Variants in UXS1 observed in about 807,000 individuals in gnomAD.
UXS1 encodes UDP-glucuronic acid decarboxylase 1.
UXS1 carries 33 observed loss-of-function variants against 62.6 expected under a neutral mutation model. The ratio of observed to expected loss-of-function variants is 0.53; its 90% confidence interval spans 0.40 to 0.70. The LOEUF (loss-of-function observed/expected upper bound fraction) is 0.70, where lower values mean the gene tolerates loss of function less well. Among genes scored for constraint, UXS1 ranks in the 30% least tolerant of loss-of-function variants. The pLI is 0.00. For missense variants in UXS1, 434 were observed against 556.3 expected (o/e 0.78, Z 2.21); for synonymous variants, 213 against 206.8 (o/e 1.03, Z -0.26).
chr2:106,164,167 A>ATC (rs1485814626), intron 3 of UXS1, among the ~76,000 whole-genome samples: 1 of 152,234 alleles, frequency 6.6e-6, no homozygotes, highest in East Asian at 1.9e-4. Flanking sequence ...CTGTGGACTC[A>ATC]GGCAGAAAGA....
chr2:106,121,939 G>A lies in UXS1; in HGVS notation c.759+1031C>T, dbSNP rs1054031261. 1.4e-4 allele frequency among the ~76,000 whole-genome samples: 21 copies of A among 152,276 alleles called. 1 individual carries two copies. The South Asian group carries it at 2.7e-3, about 20-fold the overall frequency. On this transcript the variant is annotated intron_variant, in intron 9 of 14. Transcript: ENST00000283148. ...GATTAAACTCTCATCCCAAGGTCAG[G>A]AACAGGAGACCTGGCCCTTGGCACA...
At chr2:106,129,570 A>C (rs1321769525) in intron 7 of UXS1, 104 bp downstream of exon 7, 2 of 969,894 alleles carry the variant, frequency 2.1e-6, no homozygotes, top group African/African-American at 3.2e-5. Context: ...GGGACGAGGG[A>C]ACACACTCAG....
intron 10 of UXS1, among the ~76,000 whole-genome samples, chr2:106,109,249 T>A (rs1678375756): frequency 6.6e-6 from 1 of 152,172 alleles, no homozygotes; most frequent in East Asian, 1.9e-4. Flanking sequence ...TTCCTCACCA[T>A]ACTTTAGTAC....
chr2:106,099,765 ACAGG>A (rs1292510933), intron 12 of UXS1, among the ~76,000 whole-genome samples: 1 of 152,316 alleles, frequency 6.6e-6, no homozygotes, highest in East Asian at 1.9e-4. Flanking sequence ...TCCAGTGTAC[ACAGG>A]CAAATGCTGC....
chr2:106,111,177 G>A (rs1055845298), intron 10 of UXS1, among the ~76,000 whole-genome samples: 2 of 152,194 alleles, frequency 1.3e-5, no homozygotes, highest in African/African-American at 2.4e-5. Flanking sequence ...GGGGTGGGGC[G>A]GCAGCAGTGT....
intron 1 of UXS1, among the ~76,000 whole-genome samples, chr2:106,180,047 TGCAGTGA>T (rs1426342537): frequency 4.0e-5 from 6 of 151,418 alleles, no homozygotes; most frequent in African/African-American, 1.5e-4. Flanking sequence ...AGGCAGAGAT[TGCAGTGA>T]GCCGAGATCA....
rs1420886008 is a variant in UXS1 at position 106,112,700 on chromosome 2, A to T, written c.825T>A (p.Asp275Glu). 6.2e-7 allele frequency: 1 copy of T among 1,613,844 alleles called. No individual in the cohort carries two copies. The highest frequency in any genetic ancestry group is 8.5e-7 in the Non-Finnish European group (1 of 1,179,886). Residue 275 changes from aspartate to glutamate, a missense_variant, in exon 10 of 15, where the codon GAT becomes GAA. Physicochemically the swap from Asp to Glu is conservative, Grantham distance 45. Transcript: ENST00000283148. The stretch of plus-strand genomic sequence containing the variant: ...GGATGAAGTTGCTGACTACTCGCCC[A>T]TCGTTCATGTGCATGCGTGGCCCAA... The part of the protein sequence containing the change: ...NTFGPRMHMN[D>E]GRVVSNFILQ...
chr2:106,172,069 G>A (rs903065750), intron 1 of UXS1, among the ~76,000 whole-genome samples: 1 of 152,208 alleles, frequency 6.6e-6, no homozygotes, highest in Non-Finnish European at 1.5e-5. Context: ...AACAAACTCA[G>A]CGCTTGCGGA....
chr2:106,186,457 T>TATACACACACAC (rs375660148), intron 1 of UXS1, among the ~76,000 whole-genome samples: 170 of 148,796 alleles, frequency 1.1e-3, no homozygotes, highest in African/African-American at 1.8e-3. Flanking sequence ...TATATATATA[T>TATACACACACAC]ACACACACAC....
intron 10 of UXS1, among the ~76,000 whole-genome samples, chr2:106,108,263 C>T (rs974359437): frequency 4.6e-5 from 7 of 152,150 alleles, no homozygotes; most frequent in African/African-American, 9.7e-5. Flanking sequence ...TCACTGTGTG[C>T]GCTAATGTGA....
intron 6 of UXS1, among the ~76,000 whole-genome samples, chr2:106,140,918 A>G (rs1251784069): frequency 1.3e-5 from 2 of 152,170 alleles, no homozygotes; most frequent in African/African-American, 2.4e-5. Context: ...AGACGGTGGA[A>G]AAGTAAATTG....
intron 5 of UXS1, chr2:106,145,578 G>T: frequency 2.2e-6 from 1 of 461,352 alleles, no homozygotes; most frequent in Non-Finnish European, 3.6e-6. Flanking sequence ...CTCCTAAGCA[G>T]CCTAAAATTT....
intron 10 of UXS1, among the ~76,000 whole-genome samples, chr2:106,110,802 T>C (rs1474043421): frequency 1.3e-5 from 2 of 152,028 alleles, no homozygotes; most frequent in Non-Finnish European, 2.9e-5. Context: ...CTAACAGAGA[T>C]TGGGGCTGAA....
chr2:106,146,991 A>G (rs1681631343), intron 5 of UXS1, among the ~76,000 whole-genome samples: 1 of 152,056 alleles, frequency 6.6e-6, no homozygotes, highest in African/African-American at 2.4e-5. Flanking sequence ...CGTCTCTACT[A>G]AAAATACAAA....
intron 7 of UXS1, among the ~76,000 whole-genome samples, chr2:106,126,998 C>T (rs534012443): frequency 1.1e-4 from 16 of 152,272 alleles, no homozygotes; most frequent in African/African-American, 1.9e-4. Flanking sequence ...AAATGGAACA[C>T]GGCCTCTTAG....
intron 10 of UXS1, among the ~76,000 whole-genome samples, chr2:106,108,736 G>C (rs1372781671): frequency 2.0e-5 from 3 of 152,280 alleles, no homozygotes; most frequent in East Asian, 3.9e-4. Flanking sequence ...GGACCGGCCG[G>C]GGGTGAGGGG....
chr2:106,163,873 A>G (rs1327023487), intron 3 of UXS1, among the ~76,000 whole-genome samples, 163 bp from the exon 4 acceptor site: 1 of 152,242 alleles, frequency 6.6e-6, no homozygotes, highest in Non-Finnish European at 1.5e-5. Flanking sequence ...ACAATGCTAG[A>G]ATTGAACAGA....
intron 4 of UXS1, among the ~76,000 whole-genome samples, chr2:106,163,192 A>G (rs1683008626): frequency 6.6e-6 from 1 of 152,218 alleles, no homozygotes; most frequent in Non-Finnish European, 1.5e-5. Flanking sequence ...ATCATATTAC[A>G]TAATTCTTCT....
Position 106,123,023 on chromosome 2 carries a change from A to T in UXS1, c.706T>A (p.Tyr236Asn). ...TCTGCAACACGTTTGCCTTCATCGTAGCAGGCCCGAGGTCCTATTGGATTC... is the reference window on the plus strand; with the variant it reads ...TCTGCAACACGTTTGCCTTCATCGTTGCAGGCCCGAGGTCCTATTGGATTC... ...HVNPIGPRAC[Y>N]DEGKRVAETM... is the part of the protein sequence containing the mutation. Residue 236 changes from tyrosine to asparagine, a missense_variant, in exon 9 of 15, where the codon TAC becomes AAC. Physicochemically the swap from Tyr to Asn is moderately radical, Grantham distance 143. Around this residue, in one of 3 missense-constraint regions of UXS1, gnomAD observed 134 missense variants for 251.9 expected, o/e 0.53. Coordinates refer to ENST00000283148, the MANE Select transcript of UXS1 (RefSeq NM_001253875.2). 6.2e-7 allele frequency: 1 copy of T among 1,614,028 alleles called. No individual in the cohort carries two copies. Among genetic ancestry groups the T allele is most frequent in the Admixed American group, 1.7e-5 (1 of 60,032 alleles).
Sources: allele counts gnomAD v4.1 joint callset (sites outside exome capture counted in the v4.1 genomes callset), GRCh38; gene constraint gnomAD v4.1.1; regional missense constraint gnomAD v4.1.1; transcripts MANE v1.5; gene names NCBI Gene and HGNC (gene_info 2026-07-23, HGNC 2026-07-21).